SIX5: variants seen among roughly 807,000 people sequenced by gnomAD.
SIX5 encodes SIX homeobox 5.
A neutral mutation model predicts 37.1 loss-of-function variants in SIX5; 21 were observed. The ratio of observed to expected loss-of-function variants is 0.57; its 90% CI spans 0.40 to 0.81. The LOEUF (loss-of-function observed/expected upper bound fraction) is 0.81, where lower values mean the gene tolerates loss of function less well. Ranked by LOEUF, SIX5 falls within the 40% of genes least tolerant of loss-of-function variation. The pLI is 0.00. For synonymous variants in SIX5, 626 were observed against 505.9 expected (o/e 1.24, Z -3.19); for missense variants, 1,137 against 1,025.1 (o/e 1.11, Z -1.49).
Position 45,768,179 on chromosome 19 carries a change from G to C in SIX5, c.666C>G (p.Gly222=), listed in dbSNP as rs2146208703. 6.2e-7 allele frequency: 1 copy of C among 1,612,966 alleles called. No homozygotes were observed. Among genetic ancestry groups the C allele is most frequent in the East Asian group, 2.2e-5 (1 of 44,874 alleles). ...SRAALKACYR[G]NRYPTPDEKR... ...TCTCGTCCGGCGTGGGGTAGCGGTTGCCGCGGTAGCAGGCCTTGAGCGCTG... is the reference window on the plus strand; with the variant it reads ...TCTCGTCCGGCGTGGGGTAGCGGTTCCCGCGGTAGCAGGCCTTGAGCGCTG... The change falls in exon 1 of 3, where the codon GGC becomes GGG. Residue 222 remains glycine (G), a synonymous_variant. Transcript: ENST00000317578.
At position 45,766,975 on chromosome 19, in the gene SIX5, C is replaced by A; in HGVS notation, c.984G>T (p.Leu328=). The stretch of plus-strand genomic sequence containing the variant: ...GCACTGCTGGGGAGCCGCTGGCTGC[C>A]AGGAAGCTCCCGTTCACCAGGATGG... ...SSSILVNGSF[L]AASGSPAVLL... Residue 328 remains leucine (L), a synonymous_variant, in exon 2 of 3, where the codon CTG becomes CTT. Coordinates refer to ENST00000317578, the MANE Select transcript of SIX5 (RefSeq NM_175875.5). 2 of 1,597,998 alleles carry A rather than the reference C, an allele frequency of 1.3e-6. No individual in the cohort carries two copies. Among genetic ancestry groups the A allele is most frequent in the Non-Finnish European group, 8.5e-7 (1 of 1,174,272 alleles).
chr19:45,768,795 T>G lies in SIX5; in HGVS notation c.50A>C (p.Glu17Ala). Reference sequence around the variant, plus strand: ...GGTCGCCGCCGCCGCCGCCACCGCCTCCCCCCCAGCCGCCGGCCCCGCGCT... The same window carrying G: ...GGTCGCCGCCGCCGCCGCCACCGCCGCCCCCCCAGCCGCCGGCCCCGCGCT... ...EPSAGPAAGG[E>A]AVAAAAATEE... The change falls in exon 1 of 3, where the codon GAG (glutamate) becomes GCG (alanine). Residue 17 changes from glutamate to alanine, a missense_variant. Coordinates refer to ENST00000317578, the MANE Select transcript of SIX5 (RefSeq NM_175875.5). The G allele has an allele frequency of 6.6e-7, 1 of 1,525,024 alleles. No homozygotes were observed. Among genetic ancestry groups the G allele is most frequent in the South Asian group, 1.2e-5 (1 of 83,064 alleles). 94.5% of individuals were successfully genotyped at this position (1,525,024 alleles called of 1,614,324 possible). A position where few individuals can be genotyped will look rare whatever the true frequency, so the allele number is the denominator to read the frequency against.
rs151072042 is a variant in SIX5, at chr19:45,765,758, G to A, written c.1963C>T (p.Leu655=). 6.2e-4 allele frequency: 1,002 copies of A among 1,610,662 alleles called. 10 individuals carry two copies. In the African/African-American group the frequency reaches 0.011, roughly 17 times the overall value. The change falls in exon 3 of 3, where the codon CTG becomes TTG. Residue 655 remains leucine (L), a synonymous_variant. Transcript: ENST00000317578. ...PNFPAPPPEG[L]MLSPAAVPVW... is the part of the protein sequence containing the mutation. ...GGCACGGCCGCGGGTGACAACATCA[G>A]CCCCTCTGGTGGGGGCGCCGGGAAG...
chr19:45,767,885 A>G, intron 1 of SIX5, 157 bp downstream of exon 1: 1 of 745,418 alleles, frequency 1.3e-6, no homozygotes. Flanking sequence ...GTCCACACTT[A>G]GTCCCCGCGC....
rs760251979 is a variant in SIX5 at position 45,765,531 on chromosome 19, C to T, written c.2190G>A (p.Ser730=). ...GTTCCAAGGGCTCCTCCACAGGCAC[C>T]GACTGGAGCTGGGTCAGAACCTTGG... ...AEAKVLTQLQ[S]VPVEEPLEL is the part of the protein sequence containing the mutation. The change falls in exon 3 of 3, where the codon TCG becomes TCA. Residue 730 remains serine (S), a synonymous_variant. Transcript: ENST00000317578. 13 of 1,613,490 alleles carry T rather than the reference C, an allele frequency of 8.1e-6. No homozygotes were observed. The East Asian group carries it at 1.6e-4, about 19-fold the overall frequency.
Position 45,765,575 on chromosome 19 carries a change from C to T in SIX5, c.2146G>A (p.Glu716Lys), listed in dbSNP as rs780320911. 33 of 1,613,300 alleles carry T rather than the reference C, an allele frequency of 2.0e-5. No individual in the cohort carries two copies. Among genetic ancestry groups the T allele is most frequent in the East Asian group, 4.5e-5 (2 of 44,888 alleles). ...LGATAGGEVD[E>K]GLEAEAKVLT... The stretch of plus-strand genomic sequence containing the variant: ...ACCTTGGCCTCAGCTTCCAACCCCT[C>T]GTCAACCTCACCCCCTGCGGTGGCC... Residue 716 changes from glutamate to lysine, a missense_variant, in exon 3 of 3, where the codon GAG becomes AAG. Physicochemically the swap from Glu to Lys is moderately conservative, Grantham distance 56. Around this residue, in one of 3 missense-constraint regions of SIX5, gnomAD observed 787 missense variants for 621.4 expected, o/e 1.27. Transcript: ENST00000317578.
chr19:45,768,046 T>G lies in SIX5; in HGVS notation c.799A>C (p.Lys267Gln). The G allele has an allele frequency of 6.3e-7, 1 of 1,595,408 alleles. No individual in the cohort carries two copies. The highest frequency in any genetic ancestry group is 2.2e-5 in the East Asian group (1 of 44,746). The change falls in exon 1 of 3, where the codon AAG becomes CAG. Residue 267 changes from lysine to glutamine, a missense_variant. Lys to Gln is a moderately conservative substitution (Grantham distance 53). Transcript: ENST00000317578. ...RTGAGGGAPCKSESDGNPTTE... is the reference protein window; with the variant it reads ...RTGAGGGAPCQSESDGNPTTE... Reference sequence around the variant, plus strand: ...GCGCCGCCCGAGGCCCCTCACCTCTTGCAGGGCGCGCCGCCTCCGGCCCCG... The same window carrying G: ...GCGCCGCCCGAGGCCCCTCACCTCTGGCAGGGCGCGCCGCCTCCGGCCCCG...
chr19:45,768,444 G>A lies in SIX5; in HGVS notation c.401C>T (p.Ala134Val). 1.3e-6 allele frequency: 2 copies of A among 1,533,348 alleles called. No individual in the cohort carries two copies. The highest frequency in any genetic ancestry group is 1.7e-6 in the Non-Finnish European group (2 of 1,146,368). 95.0% of individuals were successfully genotyped at this position (1,533,348 alleles called of 1,614,324 possible). A position where few individuals can be genotyped will look rare whatever the true frequency, so the allele number is the denominator to read the frequency against. The stretch of plus-strand genomic sequence containing the variant: ...CTCGGCGTACTCGCCCCGCTGGAAG[G>A]CCACCAGGGCCCGCGCGCGCAACAC... ...DPVLRARALV[A>V]FQRGEYAELY... Residue 134 changes from alanine (A) to valine (V), a missense_variant, in exon 1 of 3, where the codon GCC (alanine) becomes GTC (valine). Transcript: ENST00000317578.
rs1287238093 is a variant in SIX5, at chr19:45,765,584, C to G, written c.2137G>C (p.Glu713Gln). ...GLLLGATAGG[E>Q]VDEGLEAEAK... ...TCAGCTTCCAACCCCTCGTCAACCTCACCCCCTGCGGTGGCCCCCAGGAGC... is the reference window on the plus strand; with the variant it reads ...TCAGCTTCCAACCCCTCGTCAACCTGACCCCCTGCGGTGGCCCCCAGGAGC... Residue 713 changes from glutamate to glutamine, a missense_variant, in exon 3 of 3, where the codon GAG (glutamate) becomes CAG (glutamine). By Grantham distance (29) the Glu-to-Gln change is conservative (BLOSUM62 2). Transcript: ENST00000317578. 1 of 1,613,344 alleles carries G rather than the reference C, an allele frequency of 6.2e-7. No homozygotes were observed. Among genetic ancestry groups the G allele is most frequent in the South Asian group, 1.1e-5 (1 of 91,086 alleles).
At chr19:45,767,502 C>A (rs1969102410) in intron 1 of SIX5, among the ~76,000 whole-genome samples, 1 of 152,178 alleles carries the variant, frequency 6.6e-6, no homozygotes, top group African/African-American at 2.4e-5. Flanking sequence ...GTTCCCGGTG[C>A]CCTCCCCGCG....
rs755502593 is a variant in SIX5 at position 45,766,070 on chromosome 19, C to T, written c.1651G>A (p.Val551Met). The change falls in exon 3 of 3, where the codon GTG (valine) becomes ATG (methionine). Residue 551 changes from valine to methionine, a missense_variant. By Grantham distance (21) the Val-to-Met change is conservative. Coordinates refer to ENST00000317578, the MANE Select transcript of SIX5 (RefSeq NM_175875.5). Reference sequence around the variant, plus strand: ...CCCTGCTGCAGGGCCACACCCGTCACGATGGGGCTGCCAGACACAGGGTTG... The same window carrying T: ...CCCTGCTGCAGGGCCACACCCGTCATGATGGGGCTGCCAGACACAGGGTTG... ...LANPVSGSPIVTGVALQQGKI... is the reference protein window; with the variant it reads ...LANPVSGSPIMTGVALQQGKI... 3.4e-5 allele frequency: 55 copies of T among 1,611,978 alleles called. 1 individual carries two copies. In the East Asian group the frequency reaches 6.2e-4, roughly 18 times the overall value.
rs756512102 is a variant in SIX5, at chr19:45,766,074, G to T, written c.1647C>A (p.Pro549=). 1.2e-6 allele frequency: 2 copies of T among 1,612,046 alleles called. No individual in the cohort carries two copies. Among genetic ancestry groups the T allele is most frequent in the Non-Finnish European group, 1.7e-6 (2 of 1,179,276 alleles). ...GCTGCAGGGCCACACCCGTCACGAT[G>T]GGGCTGCCAGACACAGGGTTGGCCA... The part of the protein sequence containing the change: ...FLLANPVSGS[P]IVTGVALQQG... The change falls in exon 3 of 3, where the codon CCC becomes CCA. Residue 549 remains proline (P), a synonymous_variant. Transcript: ENST00000317578.
chr19:45,767,764 C>G, intron 1 of SIX5: 1 of 537,696 alleles, frequency 1.9e-6, no homozygotes. Context: ...CCCTCTAGTG[C>G]CCCCCGCAGT....
chr19:45,765,479 G>A lies in SIX5; in HGVS notation c.*22C>T, dbSNP rs1459499174. ...TGCGTCTTCAGCACCAATGTCGGGA[G>A]AGGCCACGGGGCCACACTGGGTCAC... On this transcript the variant is annotated 3_prime_UTR_variant, in exon 3 of 3. Coordinates refer to ENST00000317578, the MANE Select transcript of SIX5 (RefSeq NM_175875.5). The A allele has an allele frequency of 1.2e-6, 2 of 1,612,956 alleles. No individual in the cohort carries two copies. Among genetic ancestry groups the A allele is most frequent in the African/African-American group, 1.3e-5 (1 of 74,920 alleles).
chr19:45,766,804 G>T lies in SIX5; in HGVS notation c.1155C>A (p.Val385=), dbSNP rs2146206958. The T allele has an allele frequency of 6.4e-7, 1 of 1,566,398 alleles. No individual in the cohort carries two copies. The highest frequency in any genetic ancestry group is 8.6e-7 in the Non-Finnish European group (1 of 1,159,098). The change falls in exon 2 of 3, where the codon GTC becomes GTA. Residue 385 remains valine (V), a synonymous_variant. Coordinates refer to ENST00000317578, the MANE Select transcript of SIX5 (RefSeq NM_175875.5). ...QGASETKTSL[V]LDPQTGEVRL... ...GCACCTCCCCTGTCTGAGGGTCCAGGACCAGAGAGGTCTTGGTCTCGCTGG... is the reference window on the plus strand; with the variant it reads ...GCACCTCCCCTGTCTGAGGGTCCAGTACCAGAGAGGTCTTGGTCTCGCTGG...
Position 45,768,196 on chromosome 19 carries a change from T to A in SIX5, c.649A>T (p.Lys217Ter), listed in dbSNP as rs769041560. 6.2e-7 allele frequency: 1 copy of A among 1,613,190 alleles called. No individual in the cohort carries two copies. The highest frequency in any genetic ancestry group is 8.5e-7 in the Non-Finnish European group (1 of 1,179,800). Residue 217 changes from lysine (K) to a stop codon, truncating the protein, a stop_gained, in exon 1 of 3, where the codon AAG becomes TAG. Coordinates refer to ENST00000317578, the MANE Select transcript of SIX5 (RefSeq NM_175875.5). LOFTEE classifies it high-confidence loss of function. Reference protein sequence around the residue: ...CFKERSRAALKACYRGNRYPT... With the variant: ...CFKERSRAAL The stretch of plus-strand genomic sequence containing the variant: ...TAGCGGTTGCCGCGGTAGCAGGCCT[T>A]GAGCGCTGCGCGGGAGCGCTCCTTG...
In SIX5 at chr19:45,765,897, G is replaced by A; in HGVS notation, c.1824C>T (p.Leu608=). Reference sequence around the variant, plus strand: ...GGGTGCCTAGGGCGTGAGCCTCTGGGAGAGCAGGGCTGGGGGCCACCGGGA... The same window carrying A: ...GGGTGCCTAGGGCGTGAGCCTCTGGAAGAGCAGGGCTGGGGGCCACCGGGA... ...GGLPVAPSPA[L]PEAHALGTLS... is the part of the protein sequence containing the mutation. Residue 608 remains leucine, a synonymous_variant, in exon 3 of 3, where the codon CTC becomes CTT. Coordinates refer to ENST00000317578, the MANE Select transcript of SIX5 (RefSeq NM_175875.5). 6.3e-7 allele frequency: 1 copy of A among 1,592,472 alleles called. No homozygotes were observed. Among genetic ancestry groups the A allele is most frequent in the Non-Finnish European group, 8.5e-7 (1 of 1,171,268 alleles).
rs1445179356 is a variant in SIX5 at position 45,768,251 on chromosome 19, G to A, written c.594C>T (p.Ile198=). The stretch of plus-strand genomic sequence containing the variant: ...AGTAGACTGTCTCCTCGCCGTCCCA[G>A]ATGGTCTTGGGCAGCGGGAACTTCT... The part of the protein sequence containing the change: ...LRKKFPLPKT[I]WDGEETVYCF... The change falls in exon 1 of 3, where the codon ATC becomes ATT. Residue 198 remains isoleucine, a synonymous_variant. Transcript: ENST00000317578. The A allele has an allele frequency of 1.1e-5, 18 of 1,613,052 alleles. No individual in the cohort carries two copies. Among genetic ancestry groups the A allele is most frequent in the Non-Finnish European group, 1.4e-5 (17 of 1,179,690 alleles).
In SIX5 at chr19:45,766,581, G is replaced by C. The variant is rs763277893; in HGVS notation, c.1378C>G (p.Pro460Ala). Residue 460 changes from proline to alanine, a missense_variant, in exon 2 of 3, where the codon CCG becomes GCG. Pro to Ala is a conservative substitution (Grantham distance 27). Transcript: ENST00000317578. ...APQVVPLSPPPGYPTGLSPTS... is the reference protein window; with the variant it reads ...APQVVPLSPPAGYPTGLSPTS... The stretch of plus-strand genomic sequence containing the variant: ...GGGCTCAGGCCCGTGGGATACCCCG[G>C]GGGTGGGGAGAGCGGTACCACTTGT... 4 of 1,471,414 alleles carry C rather than the reference G, an allele frequency of 2.7e-6. No homozygotes were observed. In the East Asian group the frequency reaches 1.0e-4, roughly 37 times the overall value. 91.1% of individuals were successfully genotyped at this position (1,471,414 alleles called of 1,614,324 possible).
Sources: gnomAD v4.1 joint callset for allele counts (sites outside exome capture counted in the v4.1 genomes callset) on GRCh38, gnomAD v4.1.1 for gene constraint, gnomAD v4.1.1 regional missense constraint, MANE v1.5 for transcripts, NCBI Gene and HGNC (gene_info 2026-07-23, HGNC 2026-07-21) for gene names.